The following CORO1A variants were observed in gnomAD, a reference collection of about 807,000 sequenced individuals.
CORO1A encodes the protein coronin-1A.
In CORO1A, 17 loss-of-function variants were observed where a neutral mutation model predicts 44.1. The observed-to-expected ratio is 0.39, with a 90% confidence interval of 0.26 to 0.58. The LOEUF is 0.58. Among genes scored for constraint, CORO1A ranks in the 20% least tolerant of loss-of-function variants. The pLI is 0.62. For missense variants in CORO1A, 415 were observed against 606.5 expected (o/e 0.68, Z 3.32); for synonymous variants, 271 against 244.2 (o/e 1.11, Z -1.02).
Position 30,187,958 on chromosome 16 carries a change from G to A in CORO1A, c.878G>A (p.Arg293Gln). The stretch of plus-strand genomic sequence containing the variant: ...CACCTACAGGGTGACAGCTCAATCC[G>A]GTACTTTGAGATCACTTCCGAGGCC... ...YLCGKGDSSI[R>Q]YFEITSEAPF... The change falls in exon 8 of 11, where the codon CGG (arginine) becomes CAG (glutamine). Residue 293 changes from arginine (R) to glutamine (Q), a missense_variant. By Grantham distance (43) the Arg-to-Gln change is conservative. Coordinates refer to ENST00000219150, the MANE Select transcript of CORO1A (RefSeq NM_007074.4). 3 of 1,614,010 alleles carry A rather than the reference G, an allele frequency of 1.9e-6. No individual in the cohort carries two copies. The highest frequency in any genetic ancestry group is 8.5e-7 in the Non-Finnish European group (1 of 1,179,986).
chr16:30,188,018 A>G lies in CORO1A; in HGVS notation c.938A>G (p.Lys313Arg), dbSNP rs759940433. ...CACTATCTCTCCATGTTCAGTTCCA[A>G]GGAGTCCCAGCGGGGCATGGGCTAC... is the stretch of plus-strand genomic sequence containing the variant. ...FLHYLSMFSS[K>R]ESQRGMGYMP... Residue 313 changes from lysine (K) to arginine (R), a missense_variant, in exon 8 of 11, where the codon AAG becomes AGG. This residue lies in a region of CORO1A where 325 missense variants were observed against 521.7 expected (regional missense o/e 0.62). Coordinates refer to ENST00000219150, the MANE Select transcript of CORO1A (RefSeq NM_007074.4). 1.2e-6 allele frequency: 2 copies of G among 1,613,970 alleles called. No individual in the cohort carries two copies. The highest frequency in any genetic ancestry group is 1.1e-5 in the South Asian group (1 of 91,082).
At chr16:30,188,732 G>T (rs2073381273) in intron 10 of CORO1A, 128 bp from the exon 11 acceptor site, 1 of 617,442 alleles carries the variant, frequency 1.6e-6, no homozygotes, top group Non-Finnish European at 2.7e-6. Context: ...AGGCCTGCAG[G>T]TCTCCAGGCA....
At chr16:30,186,742 G>A (rs928749137) in intron 3 of CORO1A, 22 bp downstream of exon 3, 7 of 1,610,734 alleles carry the variant, frequency 4.3e-6, no homozygotes, top group Non-Finnish European at 5.9e-6. Flanking sequence ...TGGGGACCCA[G>A]GGGCTGGGAG....
rs542498174 is a variant in CORO1A at position 30,185,482 on chromosome 16, C to T, written c.198+75C>T. The T allele has an allele frequency of 1.8e-3, 2,417 of 1,371,334 alleles. 7 individuals carry two copies. Among genetic ancestry groups the T allele is most frequent in the Non-Finnish European group, 1.8e-3 (1,805 of 987,976 alleles). The allele number at this position is 1,371,334 out of a possible 1,614,324, so 84.9% of individuals were successfully genotyped here. A position where few individuals can be genotyped will look rare whatever the true frequency, so the allele number is the denominator to read the frequency against. On this transcript the variant is annotated intron_variant, in intron 2 of 10. Transcript: ENST00000219150. ...CTCTGTGCAGGTCCTGATTAGGTGACGGTCACCAGGCCTTCCAGGGCCTGT... is the reference window on the plus strand; with the variant it reads ...CTCTGTGCAGGTCCTGATTAGGTGATGGTCACCAGGCCTTCCAGGGCCTGT...
In CORO1A at chr16:30,184,996, TG is replaced by T; in HGVS notation, c.-1-209del. 1 of 629,952 alleles carries T rather than the reference TG, an allele frequency of 1.6e-6. No homozygotes were observed. The highest frequency in any genetic ancestry group is 2.9e-6 in the Non-Finnish European group (1 of 350,776). The allele number at this position is 629,952 out of a possible 1,614,324, so 39.0% of individuals were successfully genotyped here. ...ATTGAGAGGGTGGCTCAGAGTGGCC[TG>T]GGGCCAGGGAGAAGGGGGCTTGCAG... is the stretch of plus-strand genomic sequence containing the variant. On this transcript the variant is annotated intron_variant, in intron 1 of 10. Transcript: ENST00000219150. This position sits in a 1 kb window ranked among gnomAD's most constrained non-coding sequence, Gnocchi z 4.3.
intron 2 of CORO1A, chr16:30,185,634 G>A: frequency 1.7e-6 from 1 of 592,856 alleles, no homozygotes; most frequent in Admixed American, 3.0e-5. Flanking sequence ...CCAGTGACCA[G>A]GACTACAGAC....
intron 2 of CORO1A, chr16:30,185,882 G>GC (rs1328593093): frequency 4.6e-6 from 1 of 219,244 alleles, no homozygotes; most frequent in Non-Finnish European, 9.3e-6. Flanking sequence ...GGAGCCTGCT[G>GC]CCCCCTCCGC....
chr16:30,187,895 T>C (rs1335696649), intron 7 of CORO1A, 47 bp from the exon 8 acceptor site: 12 of 1,612,382 alleles, frequency 7.4e-6, no homozygotes, highest in Non-Finnish European at 1.0e-5. Context: ...GCCAGGGCAG[T>C]GGGCATCCGC....
At chr16:30,186,470 C>T in intron 2 of CORO1A, 128 bp from the exon 3 acceptor site, 1 of 1,186,206 alleles carries the variant, frequency 8.4e-7, no homozygotes, top group South Asian at 1.2e-5. Context: ...CCCGTCCCCA[C>T]CCCAGGCCCT....
rs553943700 is a variant in CORO1A, at chr16:30,186,746, C to A, written c.321+26C>A. The A allele has an allele frequency of 1.5e-5, 24 of 1,610,456 alleles. No homozygotes were observed. In the South Asian group the frequency reaches 2.4e-4, roughly 16 times the overall value. On this transcript the variant is annotated intron_variant, in intron 3 of 10. Coordinates refer to ENST00000219150, the MANE Select transcript of CORO1A (RefSeq NM_007074.4). ...GTGAGTGGTGGTGGGGACCCAGGGG[C>A]TGGGAGAGGGGCTCTAGGATGGGAT...
intron 7 of CORO1A, 24 bp from the exon 8 acceptor site, chr16:30,187,918 T>TC: frequency 6.2e-7 from 1 of 1,612,152 alleles, no homozygotes; most frequent in Non-Finnish European, 8.5e-7. Flanking sequence ...GTATTGACCC[T>TC]CCCTCCACAC....
intron 9 of CORO1A, 22 bp downstream of exon 9, chr16:30,188,271 C>A: frequency 6.2e-7 from 1 of 1,613,288 alleles, no homozygotes; most frequent in Non-Finnish European, 8.5e-7. Flanking sequence ...CCGCCCCACC[C>A]TGGGCTCCAG....
chr16:30,185,783 G>C (rs2073326605), intron 2 of CORO1A: 1 of 305,136 alleles, frequency 3.3e-6, no homozygotes, highest in Non-Finnish European at 6.3e-6. Context: ...CTCTGGGCCT[G>C]TCTGAGGACC....
Position 30,188,546 on chromosome 16 carries a change from A to G in CORO1A, c.1251A>G (p.Ala417=), listed in dbSNP as rs754103097. The G allele has an allele frequency of 2.0e-6, 3 of 1,536,378 alleles. No homozygotes were observed. The highest frequency in any genetic ancestry group is 2.6e-6 in the Non-Finnish European group (3 of 1,134,464). The change falls in exon 10 of 11, where the codon GCA becomes GCG. Residue 417 remains alanine (A), a synonymous_variant. Transcript: ENST00000219150. Reference sequence around the variant, plus strand: ...GCCTGGACACCGGGCGCAGGAGGGCAGCACCAGAGGCCAGTGGCACTCCCA... The same window carrying G: ...GCCTGGACACCGGGCGCAGGAGGGCGGCACCAGAGGCCAGTGGCACTCCCA... ...NRGLDTGRRR[A]APEASGTPSS... is the part of the protein sequence containing the mutation.
chr16:30,187,079 G>A lies in CORO1A; in HGVS notation c.492G>A (p.Gly164=). ...NVIMVWDVGT[G]AAMLTLGPEV... is the part of the protein sequence containing the mutation. ...TCATGGTGTGGGACGTGGGCACTGG[G>A]GCGGCCATGCTGACACTGGGCCCAG... Residue 164 remains glycine (G), a synonymous_variant, in exon 5 of 11, where the codon GGG becomes GGA. Transcript: ENST00000219150. 6.2e-7 allele frequency: 1 copy of A among 1,614,090 alleles called. No homozygotes were observed. Among genetic ancestry groups the A allele is most frequent in the Non-Finnish European group, 8.5e-7 (1 of 1,180,016 alleles).
Position 30,185,377 on chromosome 16 carries a change from A to G in CORO1A, c.168A>G (p.Gly56=), listed in dbSNP as rs75142051. Residue 56 remains glycine, a synonymous_variant, in exon 2 of 11, where the codon GGA becomes GGG. Coordinates refer to ENST00000219150, the MANE Select transcript of CORO1A (RefSeq NM_007074.4). Reference sequence around the variant, plus strand: ...CCCTGATCTGTGAGGCCAGCGGGGGAGGGGCCTTCCTGGTGCTGCCCCTGG... The same window carrying G: ...CCCTGATCTGTGAGGCCAGCGGGGGGGGGGCCTTCCTGGTGCTGCCCCTGG... ...FVALICEASG[G]GAFLVLPLGK... is the part of the protein sequence containing the mutation. The G allele has an allele frequency of 5.0e-6, 8 of 1,613,604 alleles. No homozygotes were observed. The East Asian group carries it at 1.8e-4, about 36-fold the overall frequency.
At chr16:30,188,289 ACT>A (rs1427855534) in intron 9 of CORO1A, 40 bp downstream of exon 9, 2 of 1,612,186 alleles carry the variant, frequency 1.2e-6, no homozygotes, top group Non-Finnish European at 1.7e-6. Flanking sequence ...CAGGCTGGGC[ACT>A]GACTTTGCGG....
In CORO1A at chr16:30,188,005, A is replaced by G; in HGVS notation, c.925A>G (p.Met309Val). ...SEAPFLHYLS[M>V]FSSKESQRGM... Reference sequence around the variant, plus strand: ...GGCCCCTTTCCTGCACTATCTCTCCATGTTCAGTTCCAAGGAGTCCCAGCG... The same window carrying G: ...GGCCCCTTTCCTGCACTATCTCTCCGTGTTCAGTTCCAAGGAGTCCCAGCG... The change falls in exon 8 of 11, where the codon ATG becomes GTG. Residue 309 changes from methionine to valine, a missense_variant. By Grantham distance (21) the Met-to-Val change is conservative (BLOSUM62 1). This residue lies in a region of CORO1A where 325 missense variants were observed against 521.7 expected (regional missense o/e 0.62). Transcript: ENST00000219150. The G allele has an allele frequency of 6.2e-7, 1 of 1,613,748 alleles. No individual in the cohort carries two copies. The highest frequency in any genetic ancestry group is 8.5e-7 in the Non-Finnish European group (1 of 1,179,838).
At chr16:30,186,994 G>A in intron 4 of CORO1A, 45 bp from the exon 5 acceptor site, 1 of 1,613,246 alleles carries the variant, frequency 6.2e-7, no homozygotes, top group East Asian at 2.2e-5. Flanking sequence ...TGCAGTGGAT[G>A]AGGGCAGGAG....
Sources: gnomAD v4.1 joint callset for allele counts on GRCh38, gnomAD v4.1.1 for gene constraint, gnomAD v4.1.1 regional missense constraint, Gnocchi (gnomAD v3.1) non-coding constraint, MANE v1.5 for transcripts, NCBI Gene and HGNC (gene_info 2026-07-23, HGNC 2026-07-21) for gene names.